Variants in NRXN3 observed in about 807,000 individuals in gnomAD.
NRXN3 encodes neurexin 3.
A neutral mutation model predicts 137.6 loss-of-function variants in NRXN3; 32 were observed. The ratio of observed to expected loss-of-function variants is 0.23; its 90% CI spans 0.18 to 0.31. The LOEUF is 0.31. Ranked by LOEUF, NRXN3 falls within the 10% of genes least tolerant of loss-of-function variation. The pLI, the probability that NRXN3 is intolerant of heterozygous loss-of-function variation, is 1.00. For missense variants in NRXN3, 1,574 were observed against 2,062.5 expected, an observed-to-expected ratio of 0.76 and a Z score of 4.59; for synonymous variants, 798 against 784.5, an observed-to-expected ratio of 1.02 and a Z score of -0.29.
intron 19 of NRXN3, among the ~76,000 whole-genome samples, chr14:79,741,880 T>C (rs2098964531): frequency 6.6e-6 from 1 of 152,174 alleles, no homozygotes; most frequent in Non-Finnish European, 1.5e-5. Flanking sequence ...CTTATATGTA[T>C]ATACACAGAC....
chr14:79,476,590 T>C (rs1446532589), intron 16 of NRXN3, among the ~76,000 whole-genome samples: 1 of 152,108 alleles, frequency 6.6e-6, no homozygotes, highest in Admixed American at 6.6e-5. Flanking sequence ...TTTAATGACA[T>C]AGATTATTAC....
intron 6 of NRXN3, among the ~76,000 whole-genome samples, chr14:78,680,401 T>C (rs1406445750): frequency 6.6e-6 from 1 of 152,144 alleles, no homozygotes; most frequent in Non-Finnish European, 1.5e-5. Flanking sequence ...AAGAAGCACC[T>C]TTTCTATTTA....
intron 4 of NRXN3, among the ~76,000 whole-genome samples, chr14:78,510,377 A>G (rs1340321067): frequency 6.6e-6 from 1 of 152,172 alleles, no homozygotes; most frequent in Non-Finnish European, 1.5e-5. Context: ...CTGGAACTCT[A>G]TGCTTAGCTC....
At chr14:79,171,608 C>A (rs1258038658) in intron 15 of NRXN3, among the ~76,000 whole-genome samples, 1 of 152,072 alleles carries the variant, frequency 6.6e-6, no homozygotes. Context: ...GACAATTTGT[C>A]TTAAATGTAG....
At chr14:79,278,448 G>A (rs2080668630) in intron 15 of NRXN3, among the ~76,000 whole-genome samples, 1 of 152,180 alleles carries the variant, frequency 6.6e-6, no homozygotes, top group African/African-American at 2.4e-5. Flanking sequence ...GACAGGTGCT[G>A]CCATTCTGGC....
intron 14 of NRXN3, among the ~76,000 whole-genome samples, chr14:78,976,088 G>A (rs987791365): frequency 6.6e-6 from 1 of 152,122 alleles, no homozygotes; most frequent in African/African-American, 2.4e-5. Flanking sequence ...TTAGTGGAAA[G>A]GAAGAGATTT....
rs938134072 is a variant in NRXN3 at position 79,417,628 on chromosome 14, A to G, written c.3263-49593A>G. Reference sequence around the variant, plus strand: ...TATCCTGGGGCTGGGCACTACTACAATAATGATGCTTTCGTTAATCACCCC... The same window carrying G: ...TATCCTGGGGCTGGGCACTACTACAGTAATGATGCTTTCGTTAATCACCCC... On this transcript the variant is annotated intron_variant, in intron 15 of 20. Transcript: ENST00000335750. Among the ~76,000 whole-genome samples the G allele has an allele frequency of 8.5e-5, 13 of 152,274 alleles. 4 individuals carry two copies. The highest frequency in any genetic ancestry group is 6.5e-4 in the Admixed American group (10 of 15,274).
chr14:79,316,617 T>C (rs1457960854), intron 15 of NRXN3, among the ~76,000 whole-genome samples: 1 of 152,180 alleles, frequency 6.6e-6, no homozygotes, highest in Non-Finnish European at 1.5e-5. Context: ...TCTGGGTGCA[T>C]GCCAGTTGAC....
In NRXN3 at chr14:78,780,671, C is replaced by G. The variant is rs879349944; in HGVS notation, c.2045-22949C>G. On this transcript the variant is annotated intron_variant, in intron 8 of 20. Transcript: ENST00000335750. ...ATAAGCAAATGACAGATGCCAAAAC[C>G]AAAATGGATAGTTAACATATAACAC... 6.6e-5 allele frequency among the ~76,000 whole-genome samples: 10 copies of G among 151,926 alleles called. No homozygotes were observed. In the South Asian group the frequency reaches 8.3e-4, roughly 13 times the overall value.
At position 79,128,388 on chromosome 14, in the gene NRXN3, C is replaced by T. The variant is rs1389389602; in HGVS notation, c.3262+140247C>T. 1.5e-3 allele frequency among the ~76,000 whole-genome samples: 213 copies of T among 143,234 alleles called. 1 individual carries two copies. Among genetic ancestry groups the T allele is most frequent in the African/African-American group, 5.0e-3 (194 of 38,856 alleles). The allele number at this position is 143,234 out of a possible 152,430, so 94.0% of individuals were successfully genotyped here. ...TTTATTGAGAGTTTTTAGCATGAAG[C>T]GTTGTTGAATTTTGTCAAAGGCCTT... On this transcript the variant is annotated intron_variant, in intron 15 of 20. Coordinates refer to ENST00000335750, the MANE Select transcript of NRXN3 (RefSeq NM_001330195.2).
At position 78,967,165 on chromosome 14, in the gene NRXN3, C is replaced by T. The variant is rs189605298; in HGVS notation, c.2778-43C>T. ...CACACATATAGCCATTAAACCACTTCGGGGATTTTCCAATTATTGTTTTTT... is the reference window on the plus strand; with the variant it reads ...CACACATATAGCCATTAAACCACTTTGGGGATTTTCCAATTATTGTTTTTT... On this transcript the variant is annotated intron_variant, in intron 12 of 20. Coordinates refer to ENST00000335750, the MANE Select transcript of NRXN3 (RefSeq NM_001330195.2). 24 of 1,555,950 alleles carry T rather than the reference C, an allele frequency of 1.5e-5. No homozygotes were observed. The East Asian group carries it at 2.3e-4, about 15-fold the overall frequency.
At chr14:79,220,959 T>C (rs1005908597) in intron 15 of NRXN3, among the ~76,000 whole-genome samples, 1 of 151,814 alleles carries the variant, frequency 6.6e-6, no homozygotes, top group Non-Finnish European at 1.5e-5. Flanking sequence ...TGTGTCCATG[T>C]GTTTTCATTG....
At chr14:79,340,028 A>G (rs1261397933) in intron 15 of NRXN3, among the ~76,000 whole-genome samples, 1 of 152,096 alleles carries the variant, frequency 6.6e-6, no homozygotes, top group African/African-American at 2.4e-5. Flanking sequence ...CTGTTTTGAG[A>G]GAAGCTATTT....
At chr14:79,204,938 A>G (rs1234192264) in intron 15 of NRXN3, among the ~76,000 whole-genome samples, 1 of 152,164 alleles carries the variant, frequency 6.6e-6, no homozygotes, top group Non-Finnish European at 1.5e-5. Context: ...CCTTCTGGCA[A>G]TCCTTTGGCA....
chr14:79,670,636 G>A (rs1244649759), intron 17 of NRXN3, among the ~76,000 whole-genome samples: 1 of 152,094 alleles, frequency 6.6e-6, no homozygotes, highest in Non-Finnish European at 1.5e-5. Context: ...TGTATGCTCT[G>A]ACAGCATGGC....
chr14:78,405,608 A>C (rs1333974513), intron 4 of NRXN3, among the ~76,000 whole-genome samples: 1 of 42,770 alleles, frequency 2.3e-5, no homozygotes. Flanking sequence ...ATGCTGGGGA[A>C]GGGGCGGGGG....
intron 16 of NRXN3, among the ~76,000 whole-genome samples, chr14:79,631,179 C>G (rs1270613013): frequency 1.3e-5 from 2 of 152,244 alleles, no homozygotes; most frequent in African/African-American, 4.8e-5. Flanking sequence ...GCATGTCATA[C>G]TCTAATGAGA....
At chr14:78,549,489 C>T (rs1366218674) in intron 4 of NRXN3, among the ~76,000 whole-genome samples, 1 of 152,228 alleles carries the variant, frequency 6.6e-6, no homozygotes, top group Non-Finnish European at 1.5e-5. Context: ...GATCACCAAG[C>T]TTACAGTGCT....
chr14:79,841,520 G>A (rs1456906764), intron 20 of NRXN3, among the ~76,000 whole-genome samples: 2 of 152,166 alleles, frequency 1.3e-5, no homozygotes, highest in African/African-American at 4.8e-5. Flanking sequence ...AAGCGTAATG[G>A]TATCAGTTCA....
Sources: gnomAD v4.1 joint callset for allele counts (sites outside exome capture counted in the v4.1 genomes callset) on GRCh38, gnomAD v4.1.1 for gene constraint, MANE v1.5 for transcripts, NCBI Gene and HGNC (gene_info 2026-07-23, HGNC 2026-07-21) for gene names.